Variants in MYO5A observed in about 807,000 individuals in gnomAD.
MYO5A encodes the protein unconventional myosin-Va.
MYO5A carries 98 observed loss-of-function variants against 249.7 expected under a neutral mutation model. That is an observed-to-expected ratio of 0.39 (90% CI 0.33 to 0.46). The LOEUF (loss-of-function observed/expected upper bound fraction) is 0.46. Ranked by LOEUF, MYO5A falls within the 20% of genes least tolerant of loss-of-function variation. MYO5A has a pLI of 0.98. For missense variants in MYO5A, 1,696 were observed against 2,308.8 expected (o/e 0.73, Z 5.44); for synonymous variants, 778 against 810.6 (o/e 0.96, Z 0.68).
At chr15:52,389,783 T>C (rs928972051) in intron 12 of MYO5A, among the ~76,000 whole-genome samples, 6 of 152,086 alleles carry the variant, frequency 3.9e-5, no homozygotes, top group African/African-American at 1.2e-4. Flanking sequence ...AGAAACCCTG[T>C]CTCTACTAAA....
chr15:52,400,520 G>T (rs1188933829), intron 9 of MYO5A, among the ~76,000 whole-genome samples: 1 of 152,130 alleles, frequency 6.6e-6, no homozygotes, highest in Non-Finnish European at 1.5e-5. Context: ...TATGGTCCAG[G>T]ATTCAATCCA....
intron 1 of MYO5A, among the ~76,000 whole-genome samples, chr15:52,435,844 A>C (rs1249114307): frequency 6.6e-6 from 1 of 152,244 alleles, no homozygotes; most frequent in Non-Finnish European, 1.5e-5. Context: ...TTACTGTCTA[A>C]TATCACCATC....
At chr15:52,338,845 C>T (rs193047308) in intron 32 of MYO5A, among the ~76,000 whole-genome samples, 10 of 152,232 alleles carry the variant, frequency 6.6e-5, no homozygotes, top group Admixed American at 1.3e-4. Flanking sequence ...CTTTATTTCA[C>T]GATTTCACCT....
chr15:52,355,230 TAC>T (rs2040158619), intron 25 of MYO5A, among the ~76,000 whole-genome samples: 1 of 152,172 alleles, frequency 6.6e-6, no homozygotes. Flanking sequence ...ACCAAACATA[TAC>T]AGTCAGCCCT....
At chr15:52,489,339 C>A (rs1186587407) in intron 1 of MYO5A, among the ~76,000 whole-genome samples, 1 of 151,284 alleles carries the variant, frequency 6.6e-6, no homozygotes, top group African/African-American at 2.4e-5. Flanking sequence ...CCGGGGCGGG[C>A]GGATCACGAG....
chr15:52,452,308 G>A (rs1567139627), intron 1 of MYO5A, among the ~76,000 whole-genome samples: 3 of 152,104 alleles, frequency 2.0e-5, no homozygotes, highest in Non-Finnish European at 4.4e-5. Flanking sequence ...AAATCTGTCT[G>A]GCACCAAGTG....
chr15:52,365,595 T>C (rs1232362054), intron 23 of MYO5A, among the ~76,000 whole-genome samples: 1 of 152,230 alleles, frequency 6.6e-6, no homozygotes, highest in Non-Finnish European at 1.5e-5. Flanking sequence ...GCTTCACCAC[T>C]GCTTTCTCTG....
intron 1 of MYO5A, among the ~76,000 whole-genome samples, chr15:52,512,130 T>A (rs1462989212): frequency 6.9e-6 from 1 of 144,270 alleles, no homozygotes; most frequent in African/African-American, 2.6e-5. Context: ...GCCACTGCAC[T>A]CCAGCCTAGG....
rs1480706991 is a variant in MYO5A at position 52,313,754 on chromosome 15, G to A, written c.5585C>T (p.Ala1862Val). 1 of 1,614,136 alleles carries A rather than the reference G, an allele frequency of 6.2e-7. No homozygotes were observed. Among genetic ancestry groups the A allele is most frequent in the South Asian group, 1.1e-5 (1 of 91,086 alleles). Residue 1862 changes from alanine to valine, a missense_variant, in exon 42 of 42, where the codon GCA becomes GTA. This residue lies in a region of MYO5A where 625 missense variants were observed against 908.1 expected (regional missense o/e 0.69). Coordinates refer to ENST00000399233, the MANE Select transcript of MYO5A (RefSeq NM_001382347.1). ...VTFPFNPSSL[A>V]LETIQIPASL... ...GGCTGGAATCTGGATGGTTTCTAGTGCGAGGGAAGATGGGTTGAAAGGAAA... is the reference window on the plus strand; with the variant it reads ...GGCTGGAATCTGGATGGTTTCTAGTACGAGGGAAGATGGGTTGAAAGGAAA...
intron 1 of MYO5A, among the ~76,000 whole-genome samples, chr15:52,445,716 G>C (rs915094116): frequency 6.6e-6 from 1 of 152,200 alleles, no homozygotes; most frequent in African/African-American, 2.4e-5. Flanking sequence ...GTGGAACTTA[G>C]TGGAACTGGA....
intron 1 of MYO5A, among the ~76,000 whole-genome samples, chr15:52,471,297 T>C (rs1240847802): frequency 2.6e-5 from 4 of 151,926 alleles, no homozygotes; most frequent in Non-Finnish European, 5.9e-5. Context: ...TAGGGCACTT[T>C]TGTGTGCATT....
At chr15:52,409,398 C>G (rs1595620365) in intron 6 of MYO5A, among the ~76,000 whole-genome samples, 2 of 152,282 alleles carry the variant, frequency 1.3e-5, no homozygotes, top group Non-Finnish European at 1.5e-5. Context: ...TAACACTGTT[C>G]TGTATGTACC....
intron 1 of MYO5A, among the ~76,000 whole-genome samples, chr15:52,459,773 CG>C (rs2076201894): frequency 1.3e-5 from 2 of 151,396 alleles, no homozygotes; most frequent in Non-Finnish European, 2.9e-5. Flanking sequence ...ACCTCCCAGA[CG>C]GGGCGGCGGC....
intron 39 of MYO5A, among the ~76,000 whole-genome samples, chr15:52,318,726 A>G (rs1199773188): frequency 1.3e-5 from 2 of 152,216 alleles, no homozygotes; most frequent in African/African-American, 2.4e-5. Flanking sequence ...ATTAAAACAC[A>G]CACATAAGGA....
In MYO5A at chr15:52,416,168, A is replaced by C; in HGVS notation, c.589T>G (p.Leu197Val). 1 of 1,614,074 alleles carries C rather than the reference A, an allele frequency of 6.2e-7. No individual in the cohort carries two copies. Residue 197 changes from leucine (L) to valine (V), a missense_variant, in exon 5 of 42, where the codon TTG (leucine) becomes GTG (valine). Leu to Val is a conservative substitution (Grantham distance 32). Coordinates refer to ENST00000399233, the MANE Select transcript of MYO5A (RefSeq NM_001382347.1). ...ASEANVEEKV[L>V]ASNPIMESIG... ...ACCTCCATGATGGGGTTGGAGGCCAAGACCTTTTCCTCCACATTGGCCTCA... is the reference window on the plus strand; with the variant it reads ...ACCTCCATGATGGGGTTGGAGGCCACGACCTTTTCCTCCACATTGGCCTCA...
intron 1 of MYO5A, among the ~76,000 whole-genome samples, chr15:52,476,432 A>G (rs1297708319): frequency 6.6e-6 from 1 of 152,184 alleles, no homozygotes; most frequent in African/African-American, 2.4e-5. Context: ...TGATCCTGTC[A>G]TTATGATGTT....
chr15:52,528,390 G>A (rs2077763330), intron 1 of MYO5A, among the ~76,000 whole-genome samples: 1 of 152,220 alleles, frequency 6.6e-6, no homozygotes, highest in South Asian at 2.1e-4. Context: ...GTCCCCACGA[G>A]AGAACCCATC....
intron 1 of MYO5A, among the ~76,000 whole-genome samples, chr15:52,469,070 G>A (rs2076406611): frequency 1.3e-5 from 2 of 152,118 alleles, no homozygotes; most frequent in Admixed American, 1.3e-4. Flanking sequence ...AAAATGTTCT[G>A]CAGCATTGTT....
intron 1 of MYO5A, among the ~76,000 whole-genome samples, chr15:52,488,086 T>C (rs938671605): frequency 2.6e-5 from 4 of 152,138 alleles, no homozygotes; most frequent in African/African-American, 4.8e-5. Context: ...CTTTACTTTA[T>C]TGAACTTTAC....
Sources: allele counts gnomAD v4.1 joint callset (sites outside exome capture counted in the v4.1 genomes callset), GRCh38; gene constraint gnomAD v4.1.1; regional missense constraint gnomAD v4.1.1; transcripts MANE v1.5; gene names NCBI Gene and HGNC (gene_info 2026-07-23, HGNC 2026-07-21).